CACNA2D1: variants seen among roughly 807,000 people sequenced by gnomAD.
The protein encoded by CACNA2D1 is calcium voltage-gated channel auxiliary subunit alpha2delta 1.
CACNA2D1 carries 53 observed loss-of-function variants against 171.5 expected under a neutral mutation model. The ratio of observed to expected loss-of-function variants is 0.31; its 90% confidence interval spans 0.25 to 0.39. CACNA2D1 has a LOEUF of 0.39. Among genes scored for constraint, CACNA2D1 ranks in the 10% least tolerant of loss-of-function variants. CACNA2D1 has a pLI of 1.00. For synonymous variants in CACNA2D1, 442 were observed against 443.1 expected, an observed-to-expected ratio of 1.00 and a Z score of 0.03; for missense variants, 903 against 1,299.8, an observed-to-expected ratio of 0.69 and a Z score of 4.69.
chr7:82,426,068 C>G (rs1184230154), intron 1 of CACNA2D1, among the ~76,000 whole-genome samples: 1 of 151,342 alleles, frequency 6.6e-6, no homozygotes, highest in Non-Finnish European at 1.5e-5. Flanking sequence ...GAGGCGGAGG[C>G]TGCAATGAGC....
At chr7:82,306,879 A>C (rs1406896967) in intron 3 of CACNA2D1, among the ~76,000 whole-genome samples, 26 of 17,874 alleles carry the variant, frequency 1.5e-3, no homozygotes, top group Admixed American at 0.011. Flanking sequence ...AAAAAATACA[A>C]AAAAAAAAAA....
chr7:82,270,702 G>T (rs1435887914), intron 3 of CACNA2D1, among the ~76,000 whole-genome samples: 1 of 152,020 alleles, frequency 6.6e-6, no homozygotes, highest in Non-Finnish European at 1.5e-5. Context: ...CCATATGCTA[G>T]CTCCTCTCTT....
chr7:82,314,975 CTTTTT>C (rs35145517), intron 3 of CACNA2D1, among the ~76,000 whole-genome samples: 1 of 124,550 alleles, frequency 8.0e-6, no homozygotes, highest in Non-Finnish European at 1.6e-5. Flanking sequence ...AGCATATTAT[CTTTTT>C]TTTTTTTTTT....
chr7:82,365,764 T>A (rs1821623306), intron 1 of CACNA2D1, among the ~76,000 whole-genome samples: 1 of 152,242 alleles, frequency 6.6e-6, no homozygotes, highest in Admixed American at 6.5e-5. Context: ...AAATATTAGG[T>A]AGTCATCTTT....
At chr7:82,162,983 T>G (rs1043328283) in intron 4 of CACNA2D1, among the ~76,000 whole-genome samples, 1 of 152,020 alleles carries the variant, frequency 6.6e-6, no homozygotes, top group Non-Finnish European at 1.5e-5. Context: ...GGCCAGGCCT[T>G]CGAGTCCTGG....
At chr7:82,102,499 C>T (rs772039215) in intron 6 of CACNA2D1, among the ~76,000 whole-genome samples, 2 of 151,420 alleles carry the variant, frequency 1.3e-5, no homozygotes, top group African/African-American at 2.4e-5. Context: ...CACACACACA[C>T]GCACACACAC....
intron 4 of CACNA2D1, among the ~76,000 whole-genome samples, chr7:82,143,237 C>T (rs1792600382): frequency 6.6e-6 from 1 of 152,036 alleles, no homozygotes; most frequent in African/African-American, 2.4e-5. Context: ...GAGATAAGTG[C>T]TACCATATAA....
intron 6 of CACNA2D1, among the ~76,000 whole-genome samples, chr7:82,107,157 G>A (rs1485358975): frequency 3.3e-5 from 5 of 152,034 alleles, no homozygotes; most frequent in African/African-American, 1.2e-4. Context: ...TGTCTACTAA[G>A]GCTGGCATGA....
At chr7:82,228,658 A>C (rs150473402) in intron 3 of CACNA2D1, among the ~76,000 whole-genome samples, 6 of 152,264 alleles carry the variant, frequency 3.9e-5, no homozygotes, top group African/African-American at 1.2e-4. Context: ...GGCAGTAACA[A>C]CACCTACCTC....
intron 4 of CACNA2D1, among the ~76,000 whole-genome samples, chr7:82,156,057 T>C (rs1361450801): frequency 3.3e-5 from 5 of 152,190 alleles, no homozygotes; most frequent in Non-Finnish European, 1.5e-5. Flanking sequence ...AATGAATTTT[T>C]ATATCACCAT....
chr7:82,388,534 G>A (rs1293388569), intron 1 of CACNA2D1, among the ~76,000 whole-genome samples: 3 of 152,182 alleles, frequency 2.0e-5, no homozygotes, highest in Non-Finnish European at 2.9e-5. Context: ...CATGAGAGTG[G>A]CAGGAGAATA....
intron 18 of CACNA2D1, among the ~76,000 whole-genome samples, chr7:82,004,516 T>C (rs1798931201): frequency 2.0e-5 from 3 of 152,056 alleles, no homozygotes; most frequent in Middle Eastern, 3.5e-3. Flanking sequence ...ATAGTTCTCT[T>C]ATGGATTTGA....
intron 9 of CACNA2D1, among the ~76,000 whole-genome samples, chr7:82,061,706 C>A (rs1806941407): frequency 6.6e-6 from 1 of 152,150 alleles, no homozygotes; most frequent in Non-Finnish European, 1.5e-5. Flanking sequence ...TCAAATCAAT[C>A]TCATCAAAGG....
chr7:82,174,231 G>A (rs542397574), intron 3 of CACNA2D1, among the ~76,000 whole-genome samples: 1 of 151,158 alleles, frequency 6.6e-6, no homozygotes, highest in African/African-American at 2.4e-5. Context: ...TATAGTATCA[G>A]ACCTTAAAAC....
intron 2 of CACNA2D1, among the ~76,000 whole-genome samples, chr7:82,335,640 T>C (rs56004232): frequency 0.13 from 19,320 of 151,316 alleles, 1,951 homozygotes; most frequent in African/African-American, 0.27. Context: ...CCTGGAGGAG[T>C]GTGGAAAACA....
intron 12 of CACNA2D1, chr7:82,028,538 T>C (rs1397742287): frequency 6.6e-6 from 1 of 151,868 alleles, no homozygotes; most frequent in Non-Finnish European, 1.5e-5. Context: ...TAAATTGTGA[T>C]TCCTCTTACT....
chr7:82,116,508 G>T (rs1789057880), intron 6 of CACNA2D1, among the ~76,000 whole-genome samples: 1 of 151,992 alleles, frequency 6.6e-6, no homozygotes, highest in Admixed American at 6.6e-5. Context: ...ACTTCTTTTG[G>T]CTGGAAGCCC....
intron 3 of CACNA2D1, among the ~76,000 whole-genome samples, chr7:82,204,329 A>G (rs1799796752): frequency 1.3e-5 from 2 of 152,220 alleles, no homozygotes; most frequent in Non-Finnish European, 2.9e-5. Context: ...CCTAGAAGTT[A>G]CAAAAGTAAC....
At chr7:81,985,806 C>T (rs749110635) in intron 21 of CACNA2D1, among the ~76,000 whole-genome samples, 47 of 152,156 alleles carry the variant, frequency 3.1e-4, no homozygotes, top group Admixed American at 3.3e-4. Context: ...TCTAGTCTTA[C>T]GGTAGATGTC....
Sources: gnomAD v4.1 joint callset for allele counts (sites outside exome capture counted in the v4.1 genomes callset) on GRCh38, gnomAD v4.1.1 for gene constraint, MANE v1.5 for transcripts, NCBI Gene and HGNC (gene_info 2026-07-23, HGNC 2026-07-21) for gene names.